FAF1: variants seen among roughly 807,000 people sequenced by gnomAD.
FAF1 encodes the protein Fas associated factor 1, also known as FAS-associated factor 1.
A neutral mutation model predicts 92.5 loss-of-function variants in FAF1; 25 were observed. That is an observed-to-expected ratio of 0.27 (90% CI 0.20 to 0.38). The LOEUF (loss-of-function observed/expected upper bound fraction) is 0.38. FAF1 is among the 10% of genes least tolerant of loss of function. FAF1 has a pLI of 1.00. For missense variants in FAF1, 636 were observed against 793.3 expected, an observed-to-expected ratio of 0.80 and a Z score of 2.38; for synonymous variants, 234 against 273.2, an observed-to-expected ratio of 0.86 and a Z score of 1.42.
chr1:50,627,607 A>G (rs975653872), intron 8 of FAF1, among the ~76,000 whole-genome samples: 9 of 152,028 alleles, frequency 5.9e-5, no homozygotes, highest in Non-Finnish European at 1.2e-4. Context: ...GAAAGAGACA[A>G]ATAGTACATA....
chr1:50,788,253 A>G, intron 3 of FAF1, 48 bp from the exon 4 acceptor site: 1 of 1,487,860 alleles, frequency 6.7e-7, no homozygotes, highest in South Asian at 1.1e-5. Context: ...AAATCATTAC[A>G]GAATACTACT....
rs899527341 is a variant in FAF1, at chr1:50,753,382, A to G, written c.368-8607T>C. Among the ~76,000 whole-genome samples the G allele has an allele frequency of 2.6e-5, 4 of 152,262 alleles. No individual in the cohort carries two copies. In the South Asian group the frequency reaches 6.2e-4, roughly 24 times the overall value. On this transcript the variant is annotated intron_variant, in intron 4 of 18. Coordinates refer to ENST00000396153, the MANE Select transcript of FAF1 (RefSeq NM_007051.3). ...AAGTATACCACTGTATGCATATACAACAATTTGGTTTATGTACATTTGGGG... is the reference window on the plus strand; with the variant it reads ...AAGTATACCACTGTATGCATATACAGCAATTTGGTTTATGTACATTTGGGG...
chr1:50,579,899 T>C (rs1020814789), intron 12 of FAF1, among the ~76,000 whole-genome samples: 1 of 152,158 alleles, frequency 6.6e-6, no homozygotes, highest in Non-Finnish European at 1.5e-5. Flanking sequence ...CTGGTGAAGT[T>C]TGTATATGCA....
chr1:50,721,242 G>A (rs1362146766), intron 6 of FAF1, among the ~76,000 whole-genome samples: 1 of 151,464 alleles, frequency 6.6e-6, no homozygotes, highest in South Asian at 2.1e-4. Flanking sequence ...CACCAGGCTG[G>A]AGATAAGTGA....
chr1:50,825,090 C>T (rs1644083628), intron 2 of FAF1, among the ~76,000 whole-genome samples: 1 of 151,904 alleles, frequency 6.6e-6, no homozygotes, highest in Non-Finnish European at 1.5e-5. Flanking sequence ...TTCAAAATAG[C>T]TAGAAGAGAA....
chr1:50,522,811 C>T (rs1472639286), intron 15 of FAF1, among the ~76,000 whole-genome samples: 4 of 152,114 alleles, frequency 2.6e-5, no homozygotes, highest in East Asian at 3.9e-4. Flanking sequence ...AATTTAGTGG[C>T]ATTAAGTACA....
intron 8 of FAF1, among the ~76,000 whole-genome samples, chr1:50,599,236 C>T (rs947058608): frequency 2.6e-5 from 4 of 152,116 alleles, no homozygotes; most frequent in African/African-American, 7.2e-5. Context: ...CTTCAGCCTC[C>T]GAAGCAGCTG....
intron 7 of FAF1, among the ~76,000 whole-genome samples, chr1:50,693,830 A>T (rs1435194050): frequency 6.6e-6 from 1 of 152,010 alleles, no homozygotes; most frequent in Non-Finnish European, 1.5e-5. Context: ...ACACCCACAT[A>T]AATGGTTCAA....
chr1:50,773,307 A>G (rs979058875), intron 4 of FAF1, among the ~76,000 whole-genome samples: 7 of 152,202 alleles, frequency 4.6e-5, no homozygotes, highest in African/African-American at 1.7e-4. Context: ...ATGTGACATC[A>G]GATCCAGCCA....
chr1:50,836,182 T>TTTTTTTTTTTG (rs1302449670), intron 2 of FAF1, among the ~76,000 whole-genome samples: 1 of 141,956 alleles, frequency 7.0e-6, no homozygotes, highest in Non-Finnish European at 1.5e-5. Context: ...TTTTTTTTTT[T>TTTTTTTTTTTG]TTTTTTTAGA....
At chr1:50,850,337 T>C (rs1644337809) in intron 2 of FAF1, among the ~76,000 whole-genome samples, 1 of 152,282 alleles carries the variant, frequency 6.6e-6, no homozygotes, top group Admixed American at 6.5e-5. Flanking sequence ...ACTTTCAACA[T>C]TAAGCTAAAG....
At chr1:50,954,649 T>C (rs887914985) in intron 1 of FAF1, among the ~76,000 whole-genome samples, 5 of 149,936 alleles carry the variant, frequency 3.3e-5, no homozygotes, top group Non-Finnish European at 7.4e-5. Flanking sequence ...CAAGTGATTC[T>C]CCTGCCTCAG....
intron 2 of FAF1, chr1:50,846,733 G>T: frequency 1.5e-6 from 1 of 663,606 alleles, no homozygotes; most frequent in South Asian, 1.4e-5. Context: ...GATGTGATTA[G>T]ACCGAATATT....
intron 2 of FAF1, among the ~76,000 whole-genome samples, chr1:50,840,492 G>A (rs1458001970): frequency 6.6e-6 from 1 of 151,902 alleles, no homozygotes; most frequent in African/African-American, 2.4e-5. Flanking sequence ...AAGAACACAG[G>A]AAGATTTATA....
chr1:50,685,848 G>T (rs1557474524), intron 7 of FAF1, among the ~76,000 whole-genome samples: 1 of 152,194 alleles, frequency 6.6e-6, no homozygotes, highest in Admixed American at 6.5e-5. Flanking sequence ...TCACTGACTA[G>T]CAGATTTTCC....
intron 2 of FAF1, among the ~76,000 whole-genome samples, chr1:50,814,742 C>T (rs1381681008): frequency 3.3e-5 from 5 of 152,142 alleles, no homozygotes; most frequent in Non-Finnish European, 5.9e-5. Flanking sequence ...GAAAGATGCC[C>T]AACATCACTA....
At chr1:50,828,781 A>T (rs1246790052) in intron 2 of FAF1, among the ~76,000 whole-genome samples, 1 of 152,228 alleles carries the variant, frequency 6.6e-6, no homozygotes, top group African/African-American at 2.4e-5. Flanking sequence ...GATCCAAAAG[A>T]ACAAAATCAA....
At chr1:50,775,445 A>G (rs1458871827) in intron 4 of FAF1, among the ~76,000 whole-genome samples, 1 of 152,142 alleles carries the variant, frequency 6.6e-6, no homozygotes, top group East Asian at 1.9e-4. Flanking sequence ...ATGGGATCAT[A>G]GCGGATGATT....
At chr1:50,914,771 G>T (rs371505670) in intron 1 of FAF1, among the ~76,000 whole-genome samples, 6 of 151,862 alleles carry the variant, frequency 4.0e-5, no homozygotes, top group African/African-American at 7.3e-5. Flanking sequence ...CTTCTATCTC[G>T]CTATCAAAGT....
Sources: allele counts gnomAD v4.1 joint callset (sites outside exome capture counted in the v4.1 genomes callset), GRCh38; gene constraint gnomAD v4.1.1; transcripts MANE v1.5; gene names NCBI Gene and HGNC (gene_info 2026-07-23, HGNC 2026-07-21).